Variants in IRAK3 observed in about 807,000 individuals in gnomAD.
IRAK3 encodes interleukin 1 receptor associated kinase 3, also known as interleukin-1 receptor-associated kinase 3.
Under a neutral mutation model 56.6 loss-of-function variants are expected in IRAK3, and 57 were observed. The ratio of observed to expected loss-of-function variants is 1.01; its 90% CI spans 0.81 to 1.26. The LOEUF (loss-of-function observed/expected upper bound fraction) is 1.26. IRAK3 is among the 50% of genes most tolerant of loss of function. The probability of loss-of-function intolerance (pLI) is 0.00; values close to 1 mark genes in which losing one functional copy is unlikely to be tolerated. For missense variants in IRAK3, 703 were observed against 719.0 expected (o/e 0.98, Z 0.25); for synonymous variants, 258 against 255.7 (o/e 1.01, Z -0.09).
chr12:66,244,472 G>A lies in IRAK3; in HGVS notation c.888-14G>A. ...ATGATATTTTGTCTTGTTTGTCCCT[G>A]ATCACAATTTTAGTGCAAACATCCT... is the stretch of plus-strand genomic sequence containing the variant. On this transcript the variant is annotated splice_polypyrimidine_tract_variant and intron_variant, in intron 8 of 11. Coordinates refer to ENST00000261233, the MANE Select transcript of IRAK3 (RefSeq NM_007199.3). 6.2e-7 allele frequency: 1 copy of A among 1,609,060 alleles called. No individual in the cohort carries two copies. Among genetic ancestry groups the A allele is most frequent in the Non-Finnish European group, 8.5e-7 (1 of 1,175,480 alleles).
intron 7 of IRAK3, 114 bp downstream of exon 7, chr12:66,226,951 CAAGA>C: frequency 1.4e-6 from 1 of 725,848 alleles, no homozygotes; most frequent in Non-Finnish European, 2.5e-6. Context: ...AGGGGAAAGC[CAAGA>C]ATGGGTTTCC....
chr12:66,238,738 G>T (rs1270659499), intron 8 of IRAK3, among the ~76,000 whole-genome samples: 1 of 152,214 alleles, frequency 6.6e-6, no homozygotes, highest in Admixed American at 6.5e-5. Context: ...ACCCACAGGA[G>T]AAGCAGTGCC....
At chr12:66,198,127 C>T (rs2052472417) in intron 1 of IRAK3, 1 of 982,916 alleles carries the variant, frequency 1.0e-6, no homozygotes, top group Admixed American at 6.1e-5. Context: ...CCCGATGCAT[C>T]TTCCAAAAGG....
chr12:66,221,959 G>A (rs1249209746), intron 6 of IRAK3, among the ~76,000 whole-genome samples: 1 of 152,174 alleles, frequency 6.6e-6, no homozygotes, highest in Non-Finnish European at 1.5e-5. Flanking sequence ...AACCCGGGAG[G>A]CGGAGGTTGC....
Position 66,201,418 on chromosome 12 carries a change from A to C in IRAK3, c.134-2293A>C, listed in dbSNP as rs145301104. On this transcript the variant is annotated intron_variant, in intron 1 of 11. Coordinates refer to ENST00000261233, the MANE Select transcript of IRAK3 (RefSeq NM_007199.3). ...CCAGAGACTTGCATCCAGGATCCTA[A>C]ATTTTTTAGTTTCTCTGGAAGGTAA... 2.8e-3 allele frequency among the ~76,000 whole-genome samples: 432 copies of C among 152,260 alleles called. 2 individuals carry two copies. Among genetic ancestry groups the C allele is most frequent in the African/African-American group, 9.8e-3 (406 of 41,562 alleles).
At chr12:66,193,665 G>A (rs2136910961) in intron 1 of IRAK3, among the ~76,000 whole-genome samples, 1 of 152,168 alleles carries the variant, frequency 6.6e-6, no homozygotes, top group African/African-American at 2.4e-5. Context: ...CCACTATTTT[G>A]TAGACTGTTC....
In IRAK3 at chr12:66,248,181, G is replaced by T. The variant is rs755951556; in HGVS notation, c.*10G>T. ...GTACAAAAAAGAATAAATTCTACCA[G>T]AAGATAAAGAAAAAAGCAAGTATTG... On this transcript the variant is annotated 3_prime_UTR_variant, in exon 12 of 12. Coordinates refer to ENST00000261233, the MANE Select transcript of IRAK3 (RefSeq NM_007199.3). 1 of 1,603,598 alleles carries T rather than the reference G, an allele frequency of 6.2e-7. No homozygotes were observed. The highest frequency in any genetic ancestry group is 1.7e-5 in the Admixed American group (1 of 59,744).
intron 6 of IRAK3, among the ~76,000 whole-genome samples, chr12:66,223,584 A>G (rs1190728094): frequency 6.7e-6 from 1 of 149,398 alleles, no homozygotes; most frequent in African/African-American, 2.5e-5. Context: ...GCGTGAACCC[A>G]GGAGGCAGAG....
At position 66,226,238 on chromosome 12, in the gene IRAK3, AT is replaced by A. The variant is rs1199881189; in HGVS notation, c.654-472del. Among the ~76,000 whole-genome samples, 565 of 145,750 alleles carry A rather than the reference AT, an allele frequency of 3.9e-3. 3 individuals are homozygous for A. Among genetic ancestry groups the A allele is most frequent in the African/African-American group, 0.011 (425 of 39,888 alleles). On this transcript the variant is annotated intron_variant, in intron 6 of 11. Transcript: ENST00000261233. ...AAAGCAGTAACTAGTATTTGTTAGA[AT>A]TTTTTTTTTTTTCTTTTTTGAGGTG...
At chr12:66,191,599 G>T (rs753040211) in intron 1 of IRAK3, among the ~76,000 whole-genome samples, 3 of 152,198 alleles carry the variant, frequency 2.0e-5, no homozygotes, top group Non-Finnish European at 4.4e-5. Flanking sequence ...TACTGAGCTG[G>T]CCCTGACCAG....
chr12:66,203,857 G>A lies in IRAK3; in HGVS notation c.280G>A (p.Gly94Arg), dbSNP rs1324942453. 1 of 1,613,828 alleles carries A rather than the reference G, an allele frequency of 6.2e-7. No homozygotes were observed. Among genetic ancestry groups the A allele is most frequent in the Non-Finnish European group, 8.5e-7 (1 of 1,179,872 alleles). Residue 94 changes from glycine (G) to arginine (R), a missense_variant, in exon 2 of 12, where the codon GGA becomes AGA. By Grantham distance (125) the Gly-to-Arg change is moderately radical. Coordinates refer to ENST00000261233, the MANE Select transcript of IRAK3 (RefSeq NM_007199.3). ...CCTTTTACAGGTCCTCCAGGAGATG[G>A]GACATCGTCGAGCTATTCATTTAAT... is the stretch of plus-strand genomic sequence containing the variant. ...GDLLQVLQEMGHRRAIHLITN... is the reference protein window; with the variant it reads ...GDLLQVLQEMRHRRAIHLITN...
intron 6 of IRAK3, among the ~76,000 whole-genome samples, chr12:66,223,633 T>G (rs1337879785): frequency 6.7e-6 from 1 of 149,550 alleles, no homozygotes; most frequent in Non-Finnish European, 1.5e-5. Flanking sequence ...CACTCCAGCC[T>G]GGGCAACAGA....
chr12:66,220,678 G>A (rs1385589030), intron 6 of IRAK3, among the ~76,000 whole-genome samples: 5 of 150,930 alleles, frequency 3.3e-5, no homozygotes, highest in South Asian at 4.2e-4. Flanking sequence ...CCGCCACTAC[G>A]CCCGGCTAAT....
chr12:66,227,358 C>T (rs760992646), intron 7 of IRAK3, among the ~76,000 whole-genome samples: 40 of 152,068 alleles, frequency 2.6e-4, no homozygotes, highest in Non-Finnish European at 4.7e-4. Context: ...TTTGGGAGGG[C>T]GAGTTGGGCG....
rs1199126567 is a variant in IRAK3 at position 66,249,844 on chromosome 12, G to A, written c.*1673G>A. ...CACTGGGCCCACTCATATAAGCCAG[G>A]AAAATCTCTGTGTCTCAGATCCTTA... On this transcript the variant is annotated 3_prime_UTR_variant, in exon 12 of 12. Transcript: ENST00000261233. 1 of 152,152 alleles carries A rather than the reference G, an allele frequency of 6.6e-6. No individual in the cohort carries two copies. Among genetic ancestry groups the A allele is most frequent in the East Asian group, 1.9e-4 (1 of 5,190 alleles). The allele number at this position is 152,152 out of a possible 1,614,324, so 9.4% of individuals were successfully genotyped here. A position where few individuals can be genotyped will look rare whatever the true frequency, so the allele number is the denominator to read the frequency against.
rs138984535 is a variant in IRAK3, at chr12:66,244,583, A to G, written c.985A>G (p.Asn329Asp). ...CCTAGAACATCAGAGTTGTACCATA[A>G]ATATGACCAGCAGCAGCAGTAAACA... ...SHLEHQSCTI[N>D]MTSSSSKHLW... Residue 329 changes from asparagine to aspartate, a missense_variant, in exon 9 of 12, where the codon AAT becomes GAT. Transcript: ENST00000261233. 1.0e-3 allele frequency: 1,641 copies of G among 1,613,900 alleles called. 5 individuals are homozygous for G. Among genetic ancestry groups the G allele is most frequent in the Non-Finnish European group, 1.3e-3 (1,523 of 1,179,916 alleles).
chr12:66,205,762 C>A (rs994304555), intron 2 of IRAK3, among the ~76,000 whole-genome samples: 3 of 152,070 alleles, frequency 2.0e-5, no homozygotes, highest in Non-Finnish European at 4.4e-5. Flanking sequence ...GAATTTGGGG[C>A]TTTTATATTC....
intron 8 of IRAK3, among the ~76,000 whole-genome samples, chr12:66,242,063 A>G (rs2052975882): frequency 6.6e-6 from 1 of 152,038 alleles, no homozygotes; most frequent in Non-Finnish European, 1.5e-5. Flanking sequence ...TTATAATTCT[A>G]TGCCTTTTTT....
chr12:66,249,157 GCTTGT>G lies in IRAK3; in HGVS notation c.*990_*994del, dbSNP rs1168692781. On this transcript the variant is annotated 3_prime_UTR_variant, in exon 12 of 12. Transcript: ENST00000261233. ...TCACTTTCTGAATTATATCAAAGCT[GCTTGT>G]CTTATCTCTTTTTTTTTTTGAGACG... 4 of 151,616 alleles carry G rather than the reference GCTTGT, an allele frequency of 2.6e-5. No homozygotes were observed. Among genetic ancestry groups the G allele is most frequent in the Non-Finnish European group, 4.4e-5 (3 of 67,972 alleles). The allele number at this position is 151,616 out of a possible 1,614,324, so 9.4% of individuals were successfully genotyped here. A position where few individuals can be genotyped will look rare whatever the true frequency, so the allele number is the denominator to read the frequency against.
Sources: gnomAD v4.1 joint callset for allele counts (sites outside exome capture counted in the v4.1 genomes callset) on GRCh38, gnomAD v4.1.1 for gene constraint, MANE v1.5 for transcripts, NCBI Gene and HGNC (gene_info 2026-07-23, HGNC 2026-07-21) for gene names.